PAM: variants seen among roughly 807,000 people sequenced by gnomAD.
PAM encodes peptidylglycine alpha-amidating monooxygenase.
A neutral mutation model predicts 122.1 loss-of-function variants in PAM; 72 were observed. The observed-to-expected ratio is 0.59, with a 90% confidence interval of 0.49 to 0.72. The LOEUF is 0.72. Among genes scored for constraint, PAM ranks in the 30% least tolerant of loss-of-function variants. The pLI, the probability that PAM is intolerant of heterozygous loss-of-function variation, is 0.00. For missense variants in PAM, 1,106 were observed against 1,183.7 expected, an observed-to-expected ratio of 0.93 and a Z score of 0.96; for synonymous variants, 389 against 404.4, an observed-to-expected ratio of 0.96 and a Z score of 0.46.
rs1284183057 is a variant in PAM, at chr5:102,990,366, G to A, written c.1578G>A (p.Val526=). ...CTCTAGACCCTAAGAATAACCTGGT[G>A]ATTTTCCACAGAGGTGACCATGTCT... ...GVALDPKNNL[V]IFHRGDHVWD... is the part of the protein sequence containing the mutation. The change falls in exon 16 of 26, where the codon GTG becomes GTA. Residue 526 remains valine (V), a synonymous_variant. Coordinates refer to ENST00000438793, the MANE Select transcript of PAM (RefSeq NM_001177306.2). 6.2e-7 allele frequency: 1 copy of A among 1,608,448 alleles called. No homozygotes were observed. The highest frequency in any genetic ancestry group is 2.2e-5 in the East Asian group (1 of 44,768).
At chr5:103,031,004 A>G (rs1786160280), downstream of PAM, 1 of 152,220 alleles carries the variant, frequency 6.6e-6, no homozygotes, top group Admixed American at 6.5e-5. Context: ...AGGTGTTTTG[A>G]TATGACTGTT....
chr5:103,012,671 G>A (rs899004788), intron 21 of PAM, among the ~76,000 whole-genome samples: 1 of 151,980 alleles, frequency 6.6e-6, no homozygotes, highest in African/African-American at 2.4e-5. Context: ...TGGCTAACAC[G>A]GTGAAACCCT....
At position 102,913,526 on chromosome 5, in the gene PAM, A is replaced by G. The variant is rs1460569078; in HGVS notation, c.269-408A>G. On this transcript the variant is annotated intron_variant, in intron 4 of 25. Transcript: ENST00000438793. Reference sequence around the variant, plus strand: ...TATGAATTTTTGTGTTCATATTTTGACCACTCACTGTGGCTTCTTTTTCAC... The same window carrying G: ...TATGAATTTTTGTGTTCATATTTTGGCCACTCACTGTGGCTTCTTTTTCAC... Among the ~76,000 whole-genome samples, 3 of 151,884 alleles carry G rather than the reference A, an allele frequency of 2.0e-5. No homozygotes were observed. In the East Asian group the frequency reaches 5.8e-4, roughly 29 times the overall value.
chr5:102,785,978 A>T (rs1018038762), intron 1 of PAM, among the ~76,000 whole-genome samples: 1 of 152,242 alleles, frequency 6.6e-6, no homozygotes, highest in African/African-American at 2.4e-5. Flanking sequence ...ATAATCTCTT[A>T]CATTGGATCA....
At chr5:103,026,908 T>C (rs1785100919) in intron 24 of PAM, among the ~76,000 whole-genome samples, 1 of 152,110 alleles carries the variant, frequency 6.6e-6, no homozygotes, top group Non-Finnish European at 1.5e-5. Flanking sequence ...ATAAGGAAGA[T>C]TTGGTCTCTC....
chr5:102,860,354 G>A (rs1783835434), intron 1 of PAM, among the ~76,000 whole-genome samples: 1 of 152,146 alleles, frequency 6.6e-6, no homozygotes, highest in Non-Finnish European at 1.5e-5. Context: ...AAGGTCTTGT[G>A]CAGGGCTTTG....
intron 15 of PAM, among the ~76,000 whole-genome samples, chr5:102,986,328 G>GA (rs1406807272): frequency 1.3e-5 from 2 of 152,032 alleles, no homozygotes; most frequent in African/African-American, 4.8e-5. Context: ...CTTATATAGA[G>GA]AAAAACCTTA....
In PAM at chr5:102,967,002, T is replaced by C. The variant is rs544883266; in HGVS notation, c.1162+5773T>C. ...TCTAAAAAATTAGATACTTTTTTTT[T>C]TCTATCCAGTAATCTTAAAGCATTT... is the stretch of plus-strand genomic sequence containing the variant. On this transcript the variant is annotated intron_variant, in intron 14 of 25. Coordinates refer to ENST00000438793, the MANE Select transcript of PAM (RefSeq NM_001177306.2). Among the ~76,000 whole-genome samples, 4 of 152,274 alleles carry C rather than the reference T, an allele frequency of 2.6e-5. No homozygotes were observed. In the South Asian group the frequency reaches 8.3e-4, roughly 32 times the overall value.
intron 23 of PAM, among the ~76,000 whole-genome samples, chr5:103,020,925 T>C (rs1783365352): frequency 2.6e-5 from 4 of 152,166 alleles, no homozygotes; most frequent in Admixed American, 2.6e-4. Flanking sequence ...GGCATTCATA[T>C]CACACTCATA....
intron 1 of PAM, among the ~76,000 whole-genome samples, chr5:102,834,882 G>A (rs1776526225): frequency 6.6e-6 from 1 of 151,862 alleles, no homozygotes; most frequent in South Asian, 2.1e-4. Flanking sequence ...CAAATCAGGG[G>A]GATGAGTCAG....
chr5:102,952,935 G>A (rs1020419287), intron 12 of PAM, among the ~76,000 whole-genome samples: 1 of 152,088 alleles, frequency 6.6e-6, no homozygotes, highest in East Asian at 1.9e-4. Context: ...CGAGCGTGAA[G>A]CACACATAGG....
At chr5:103,012,983 A>G (rs6869074) in intron 21 of PAM, among the ~76,000 whole-genome samples, 5,806 of 152,016 alleles carry the variant, frequency 0.038, 377 homozygotes, top group African/African-American at 0.13. Context: ...ATAGCTCTGT[A>G]GTATAATTTG....
intron 1 of PAM, among the ~76,000 whole-genome samples, chr5:102,852,986 C>A (rs7729951): frequency 0.11 from 17,261 of 152,154 alleles, 2,307 homozygotes; most frequent in African/African-American, 0.32. Context: ...ATACTAAGCA[C>A]CTAGTTAAGC....
At chr5:102,912,300 CGTG>C (rs1014574990) in intron 4 of PAM, among the ~76,000 whole-genome samples, 36 of 151,594 alleles carry the variant, frequency 2.4e-4, no homozygotes, top group Admixed American at 4.0e-4. Context: ...TTTTTAAAAA[CGTG>C]GGAGGGGGAG....
intron 15 of PAM, among the ~76,000 whole-genome samples, chr5:102,987,174 G>A (rs1772138159): frequency 6.6e-6 from 1 of 152,146 alleles, no homozygotes; most frequent in African/African-American, 2.4e-5. Context: ...TGAATGGATA[G>A]AGAGAAGGTG....
At chr5:102,791,061 A>C (rs1181977188) in intron 1 of PAM, among the ~76,000 whole-genome samples, 1 of 152,060 alleles carries the variant, frequency 6.6e-6, no homozygotes, top group African/African-American at 2.4e-5. Flanking sequence ...CCTGTCACTA[A>C]ATGTTCTTTT....
At chr5:102,972,141 C>T (rs909703709) in intron 14 of PAM, among the ~76,000 whole-genome samples, 1 of 152,136 alleles carries the variant, frequency 6.6e-6, no homozygotes, top group Non-Finnish European at 1.5e-5. Context: ...AGTTCTGAAC[C>T]TGTCTTCCTC....
At chr5:103,019,719 A>G (rs960796606) in intron 22 of PAM, 71 bp from the exon 23 acceptor site, 12 of 995,216 alleles carry the variant, frequency 1.2e-5, no homozygotes, top group Admixed American at 1.8e-5. Context: ...TAAAATTAAT[A>G]TCAAAGTTAA....
intron 21 of PAM, among the ~76,000 whole-genome samples, chr5:103,012,229 T>A (rs915393414): frequency 9.9e-5 from 15 of 152,178 alleles, no homozygotes; most frequent in Admixed American, 5.2e-4. Flanking sequence ...TTCACGTGGT[T>A]GATTGTTTCC....
Sources: gnomAD v4.1 joint callset for allele counts (sites outside exome capture counted in the v4.1 genomes callset) on GRCh38, gnomAD v4.1.1 for gene constraint, MANE v1.5 for transcripts, NCBI Gene and HGNC (gene_info 2026-07-23, HGNC 2026-07-21) for gene names.